SMARCA2: variants seen among roughly 807,000 people sequenced by gnomAD.
The protein encoded by SMARCA2 is SWI/SNF related BAF chromatin remodeling complex subunit ATPase 2, also known as SWI/SNF-related matrix-associated actin-dependent regulator of chromatin subfamily A member 2.
Under a neutral mutation model 199.8 loss-of-function variants are expected in SMARCA2, and 61 were observed. That is an observed-to-expected ratio of 0.31 (90% CI 0.25 to 0.38). SMARCA2 has a LOEUF of 0.38. Ranked by LOEUF, SMARCA2 falls within the 10% of genes least tolerant of loss-of-function variation. SMARCA2 has a pLI of 1.00. For missense variants in SMARCA2, 1,344 were observed against 2,012.2 expected (o/e 0.67, Z 6.35); for synonymous variants, 935 against 732.0 (o/e 1.28, Z -4.48).
chr9:2,192,095 T>A (rs1461068055), intron 33 of SMARCA2: 1 of 160,750 alleles, frequency 6.2e-6, no homozygotes, highest in Non-Finnish European at 1.3e-5. Flanking sequence ...CAGTCTAGTG[T>A]GCTATGTCTG....
At chr9:2,177,651 C>T (rs971860966) in intron 29 of SMARCA2, among the ~76,000 whole-genome samples, 1 of 152,064 alleles carries the variant, frequency 6.6e-6, no homozygotes, top group Non-Finnish European at 1.5e-5. Context: ...CTCCTGGGTT[C>T]AAGCAATTCT....
At chr9:2,037,037 C>G (rs972757504) in intron 3 of SMARCA2, among the ~76,000 whole-genome samples, 1 of 152,076 alleles carries the variant, frequency 6.6e-6, no homozygotes, top group African/African-American at 2.4e-5. Context: ...AAGCCCTGGT[C>G]GTATCTCTTC....
At chr9:2,154,872 C>G (rs1018442811) in intron 27 of SMARCA2, among the ~76,000 whole-genome samples, 2 of 152,196 alleles carry the variant, frequency 1.3e-5, no homozygotes, top group Non-Finnish European at 2.9e-5. Flanking sequence ...GGCCCAGGCC[C>G]TTCTGAGGAG....
At chr9:2,077,587 C>G in intron 13 of SMARCA2, 42 bp from the exon 14 acceptor site, 2 of 1,591,348 alleles carry the variant, frequency 1.3e-6, no homozygotes, top group Non-Finnish European at 1.7e-6. Context: ...AACACATGCA[C>G]GCACATGTCT....
chr9:2,046,601 G>C (rs1234779906), intron 4 of SMARCA2, among the ~76,000 whole-genome samples: 1 of 152,196 alleles, frequency 6.6e-6, no homozygotes, highest in African/African-American at 2.4e-5. Context: ...CACATCAGAA[G>C]ACTGATAAAC....
At chr9:2,084,637 T>C (rs1821720620) in intron 17 of SMARCA2, among the ~76,000 whole-genome samples, 1 of 152,204 alleles carries the variant, frequency 6.6e-6, no homozygotes, top group African/African-American at 2.4e-5. Flanking sequence ...CAGACACCTC[T>C]CCATATGGTC....
Position 2,056,709 on chromosome 9 carries a change from C to T in SMARCA2, c.1211C>T (p.Thr404Met), listed in dbSNP as rs1402196351. The change falls in exon 7 of 34, where the codon ACG becomes ATG. Residue 404 changes from threonine (T) to methionine (M), a missense_variant. This residue lies in a region of SMARCA2 where 155 missense variants were observed against 260.0 expected (regional missense o/e 0.60). Coordinates refer to ENST00000349721, the MANE Select transcript of SMARCA2 (RefSeq NM_003070.5). This position sits in a 1 kb window ranked among gnomAD's most constrained non-coding sequence, Gnocchi z 4.0. ...GTGGTGGCCTGCATGCGCAGGGACA[C>T]GACCCTGGAGACGGCTCTCAACTCC... The part of the protein sequence containing the change: ...QEVVACMRRD[T>M]TLETALNSKA... 1.2e-6 allele frequency: 2 copies of T among 1,613,952 alleles called. No individual in the cohort carries two copies. The highest frequency in any genetic ancestry group is 2.7e-5 in the African/African-American group (2 of 74,912).
intron 27 of SMARCA2, among the ~76,000 whole-genome samples, chr9:2,154,334 G>A (rs1825228753): frequency 6.6e-6 from 1 of 152,172 alleles, no homozygotes; most frequent in African/African-American, 2.4e-5. Flanking sequence ...ATGATGCTGT[G>A]TATCTGAAGA....
intron 27 of SMARCA2, among the ~76,000 whole-genome samples, chr9:2,125,323 T>G (rs998358624): frequency 6.6e-6 from 1 of 152,212 alleles, no homozygotes; most frequent in South Asian, 2.1e-4. Flanking sequence ...TGAATTTTCT[T>G]TGTTTCACTA....
At chr9:2,049,779 G>T (rs1450425871) in intron 5 of SMARCA2, among the ~76,000 whole-genome samples, 1 of 152,208 alleles carries the variant, frequency 6.6e-6, no homozygotes, top group Admixed American at 6.5e-5. Flanking sequence ...AAGTCCCTTA[G>T]GCACTTGCAA....
rs142028926 is a variant in SMARCA2 at position 2,159,067 on chromosome 9, AGTT to A, written c.3982-2615_3982-2613del. On this transcript the variant is annotated intron_variant, in intron 27 of 33. Transcript: ENST00000349721. ...TAGCAGTTGTAATAAAAATTGTTTC[AGTT>A]GTTCTGTTTGCAATTTAATTTGTTT... 4.0e-3 allele frequency: 5,998 copies of A among 1,506,844 alleles called. 216 individuals carry two copies. The East Asian group carries it at 0.08, about 20-fold the overall frequency. 93.3% of individuals were successfully genotyped at this position (1,506,844 alleles called of 1,614,324 possible).
Position 2,073,003 on chromosome 9 carries a change from G to T in SMARCA2, c.1747-209G>T, listed in dbSNP as rs1460132470. On this transcript the variant is annotated intron_variant, in intron 10 of 33. Coordinates refer to ENST00000349721, the MANE Select transcript of SMARCA2 (RefSeq NM_003070.5). ...GTTGCTGGAGCTGAGGTTTGTGCCT[G>T]TATCTTAGCTACCAGGGAGGCAGCA... 3 of 550,512 alleles carry T rather than the reference G, an allele frequency of 5.4e-6. No individual in the cohort carries two copies. In the East Asian group the frequency reaches 9.5e-5, roughly 17 times the overall value. The allele number at this position is 550,512 out of a possible 1,614,324, so 34.1% of individuals were successfully genotyped here. A position where few individuals can be genotyped will look rare whatever the true frequency, so the allele number is the denominator to read the frequency against.
At chr9:2,187,584 A>G (rs1012131882) in intron 32 of SMARCA2, among the ~76,000 whole-genome samples, 2 of 152,200 alleles carry the variant, frequency 1.3e-5, no homozygotes, top group African/African-American at 4.8e-5. Context: ...AAGCTGAGGC[A>G]GGAGGATTGC....
chr9:2,078,813 C>T (rs368454055), intron 14 of SMARCA2, among the ~76,000 whole-genome samples: 8 of 151,884 alleles, frequency 5.3e-5, no homozygotes, highest in Non-Finnish European at 7.4e-5. Flanking sequence ...GGTGTGGTGG[C>T]GGGCACCTGT....
intron 14 of SMARCA2, 77 bp downstream of exon 14, chr9:2,077,853 G>A (rs1821395257): frequency 1.5e-6 from 2 of 1,329,090 alleles, no homozygotes; most frequent in Admixed American, 2.1e-5. Context: ...TCGTGCACAT[G>A]TTGACTAAGG....
At chr9:2,052,060 G>C (rs1222349973) in intron 5 of SMARCA2, among the ~76,000 whole-genome samples, 1 of 152,180 alleles carries the variant, frequency 6.6e-6, no homozygotes, top group Non-Finnish European at 1.5e-5. Flanking sequence ...GGGAGAATTT[G>C]AACAATTTTG....
At chr9:2,085,715 C>G (rs992840119) in intron 17 of SMARCA2, 1 of 151,958 alleles carries the variant, frequency 6.6e-6, no homozygotes, top group African/African-American at 2.4e-5. Context: ...TCCTTTTCTC[C>G]TGGCACGTCT....
intron 3 of SMARCA2, among the ~76,000 whole-genome samples, chr9:2,034,565 A>G (rs1819235460): frequency 6.6e-6 from 1 of 152,222 alleles, no homozygotes. Flanking sequence ...ATTCCAATTC[A>G]AGGTTTATGG....
rs1168651778 is a variant in SMARCA2, at chr9:2,056,925, G to A, written c.1347+80G>A. ...TTCATCAAATGGGGTCAGAATGACT[G>A]AAAAATGGACCCTTGTGGGTGGTGG... On this transcript the variant is annotated intron_variant, in intron 7 of 33. Coordinates refer to ENST00000349721, the MANE Select transcript of SMARCA2 (RefSeq NM_003070.5). The surrounding 1 kb of genome is among the most constrained non-coding windows in gnomAD (Gnocchi z 4.0). The A allele has an allele frequency of 3.8e-6, 5 of 1,325,070 alleles. No homozygotes were observed. The highest frequency in any genetic ancestry group is 2.2e-5 in the Admixed American group (1 of 45,466). 82.1% of individuals were successfully genotyped at this position (1,325,070 alleles called of 1,614,324 possible). A position where few individuals can be genotyped will look rare whatever the true frequency, so the allele number is the denominator to read the frequency against.
Sources: allele counts gnomAD v4.1 joint callset (sites outside exome capture counted in the v4.1 genomes callset), GRCh38; gene constraint gnomAD v4.1.1; regional missense constraint gnomAD v4.1.1; non-coding constraint Gnocchi (gnomAD v3.1); transcripts MANE v1.5; gene names NCBI Gene and HGNC (gene_info 2026-07-23, HGNC 2026-07-21).